ZNF804B: variants seen among roughly 807,000 people sequenced by gnomAD.
The protein encoded by ZNF804B is zinc finger protein 804B, also known as zinc finger 804B.
ZNF804B carries 80 observed loss-of-function variants against 101.4 expected under a neutral mutation model. The ratio of observed to expected loss-of-function variants is 0.79; its 90% CI spans 0.66 to 0.95. The LOEUF is 0.95. Among genes scored for constraint, ZNF804B ranks in the 40% least tolerant of loss-of-function variants. The pLI, the probability that ZNF804B is intolerant of heterozygous loss-of-function variation, is 0.00. For synonymous variants in ZNF804B, 622 were observed against 558.8 expected (o/e 1.11, Z -1.59); for missense variants, 1,673 against 1,561.9 (o/e 1.07, Z -1.20).
chr7:88,843,741 GA>G (rs979410442), intron 1 of ZNF804B, among the ~76,000 whole-genome samples: 1 of 150,698 alleles, frequency 6.6e-6, no homozygotes, highest in East Asian at 1.9e-4. Flanking sequence ...TGTCTCAAAA[GA>G]AAAAAAATAA....
intron 1 of ZNF804B, among the ~76,000 whole-genome samples, chr7:88,870,372 G>A (rs933271358): frequency 1.4e-4 from 11 of 78,850 alleles, no homozygotes; most frequent in African/African-American, 4.0e-4. Context: ...GCGACAGAGC[G>A]AAACTCCGTC....
intron 2 of ZNF804B, among the ~76,000 whole-genome samples, chr7:89,266,594 ATGAATAGCCTTCTCAC>A: frequency 6.6e-6 from 1 of 152,302 alleles, no homozygotes; most frequent in Admixed American, 6.5e-5. Context: ...TTCCTCTTGC[ATGAATAGCCTTCTCAC>A]ATATGTTATC....
intron 2 of ZNF804B, 128 bp downstream of exon 2, chr7:89,218,423 C>A (rs1005377295): frequency 3.5e-6 from 4 of 1,141,670 alleles, no homozygotes; most frequent in African/African-American, 3.2e-5. Context: ...CTTTTTTCCC[C>A]CCTGGAAAGG....
chr7:88,933,111 T>G (rs1399637292), intron 1 of ZNF804B, among the ~76,000 whole-genome samples: 1 of 151,906 alleles, frequency 6.6e-6, no homozygotes, highest in Admixed American at 6.6e-5. Flanking sequence ...TCAAGTGGGT[T>G]TTATACCAGG....
intron 2 of ZNF804B, among the ~76,000 whole-genome samples, chr7:89,265,534 A>C (rs73208874): frequency 2.6e-5 from 4 of 152,354 alleles, no homozygotes; most frequent in Non-Finnish European, 4.4e-5. Context: ...ATTTGTGCCA[A>C]GTTAAATAAT....
At chr7:89,317,711 A>G (rs1441446274) in intron 2 of ZNF804B, among the ~76,000 whole-genome samples, 2 of 152,220 alleles carry the variant, frequency 1.3e-5, no homozygotes, top group East Asian at 3.9e-4. Context: ...GGAAAGTTCA[A>G]GTGCATAAGT....
chr7:88,970,346 C>G (rs78589542), intron 1 of ZNF804B, among the ~76,000 whole-genome samples: 2 of 4,364 alleles, frequency 4.6e-4, no homozygotes, highest in Non-Finnish European at 7.7e-4. Context: ...ATTCTGATGC[C>G]CCCCCCCCAC....
chr7:88,869,748 T>G (rs1309552592), intron 1 of ZNF804B, among the ~76,000 whole-genome samples: 1 of 152,096 alleles, frequency 6.6e-6, no homozygotes, highest in African/African-American at 2.4e-5. Flanking sequence ...GTTGCATGTT[T>G]AATCCAAAGG....
intron 1 of ZNF804B, among the ~76,000 whole-genome samples, chr7:88,925,370 A>G (rs887809536): frequency 2.0e-5 from 3 of 152,148 alleles, no homozygotes; most frequent in Non-Finnish European, 2.9e-5. Flanking sequence ...TCAAAAAGTA[A>G]CCATTTTGAA....
At chr7:88,863,305 T>C (rs966476746) in intron 1 of ZNF804B, among the ~76,000 whole-genome samples, 1 of 152,212 alleles carries the variant, frequency 6.6e-6, no homozygotes, top group Non-Finnish European at 1.5e-5. Context: ...ACAAACATTT[T>C]TCTTGTCCTC....
intron 2 of ZNF804B, among the ~76,000 whole-genome samples, chr7:89,218,849 A>G (rs1788935392): frequency 6.6e-6 from 1 of 152,132 alleles, no homozygotes; most frequent in Admixed American, 6.6e-5. Flanking sequence ...GTGGATCATC[A>G]TAAAGGTCTT....
intron 1 of ZNF804B, among the ~76,000 whole-genome samples, chr7:88,934,781 C>A (rs1212577490): frequency 6.6e-6 from 1 of 151,954 alleles, no homozygotes; most frequent in Non-Finnish European, 1.5e-5. Flanking sequence ...AACACCTTTA[C>A]ATTCCTGGTG....
chr7:89,255,909 T>A lies in ZNF804B; in HGVS notation c.249+37614T>A, dbSNP rs114078336. 7.7e-3 allele frequency among the ~76,000 whole-genome samples: 1,175 copies of A among 152,204 alleles called. 14 individuals are homozygous for A. Among genetic ancestry groups the A allele is most frequent in the African/African-American group, 0.027 (1,123 of 41,524 alleles). ...AATAGGCATTTTGCAGAGGGGGTAA[T>A]ATAAATTGCTCATAATTTTTTTAAT... On this transcript the variant is annotated intron_variant, in intron 2 of 3. Coordinates refer to ENST00000333190, the MANE Select transcript of ZNF804B (RefSeq NM_181646.5).
At chr7:89,326,708 A>G (rs372811457) in intron 2 of ZNF804B, among the ~76,000 whole-genome samples, 1 of 152,202 alleles carries the variant, frequency 6.6e-6, no homozygotes, top group East Asian at 1.9e-4. Context: ...TAGAGAAAAT[A>G]TTAATTAAAA....
At chr7:88,863,772 T>C (rs1217699496) in intron 1 of ZNF804B, among the ~76,000 whole-genome samples, 5 of 152,180 alleles carry the variant, frequency 3.3e-5, no homozygotes, top group African/African-American at 7.2e-5. Flanking sequence ...GTGGCAGAAC[T>C]TTCAAGGAAA....
At chr7:88,911,585 T>G (rs1280288591) in intron 1 of ZNF804B, among the ~76,000 whole-genome samples, 2 of 151,314 alleles carry the variant, frequency 1.3e-5, no homozygotes, top group South Asian at 2.1e-4. Context: ...CGATATCTCT[T>G]TCTGGATCTC....
At chr7:89,171,288 G>GCTGCTGCGTCTTCTT (rs1215246589) in intron 1 of ZNF804B, among the ~76,000 whole-genome samples, 3 of 82,550 alleles carry the variant, frequency 3.6e-5, no homozygotes, top group African/African-American at 1.5e-4. Flanking sequence ...TGCTGCTGCT[G>GCTGCTGCGTCTTCTT]CTTCTTCTTC....
rs1793811093 is a variant in ZNF804B at position 88,989,402 on chromosome 7, G to A, written c.109-228753G>A. Among the ~76,000 whole-genome samples, 6 of 152,034 alleles carry A rather than the reference G, an allele frequency of 3.9e-5. No individual in the cohort carries two copies. In the South Asian group the frequency reaches 1.2e-3, roughly 32 times the overall value. ...TTCCTATAAGATAACAAAACACTGA[G>A]CCACGTTGGCATCTTTGCATCATAG... On this transcript the variant is annotated intron_variant, in intron 1 of 3. Transcript: ENST00000333190.
In ZNF804B at chr7:88,877,020, ATATATAATATAT is replaced by A. The variant is rs1461223679; in HGVS notation, c.108+116937_108+116948del. On this transcript the variant is annotated intron_variant, in intron 1 of 3. Coordinates refer to ENST00000333190, the MANE Select transcript of ZNF804B (RefSeq NM_181646.5). Reference sequence around the variant, plus strand: ...TTTGAAAAAAAAAATATATATATATATATATAATATATATATATATATATATATATTTTTTTT... The same window carrying A: ...TTTGAAAAAAAAAATATATATATATAATATATATATATATATATTTTTTTT... Among the ~76,000 whole-genome samples, 10 of 71,672 alleles carry A rather than the reference ATATATAATATAT, an allele frequency of 1.4e-4. No homozygotes were observed. In the South Asian group the frequency reaches 4.2e-3, roughly 30 times the overall value. 47.0% of individuals were successfully genotyped at this position (71,672 alleles called of 152,430 possible).
Sources: allele counts gnomAD v4.1 joint callset (sites outside exome capture counted in the v4.1 genomes callset), GRCh38; gene constraint gnomAD v4.1.1; transcripts MANE v1.5; gene names NCBI Gene and HGNC (gene_info 2026-07-23, HGNC 2026-07-21).